Variants in PSMB10 observed in about 807,000 individuals in gnomAD.
PSMB10 encodes proteasome subunit beta type-10.
PSMB10 carries 29 observed loss-of-function variants against 29.8 expected under a neutral mutation model. The ratio of observed to expected loss-of-function variants is 0.97; its 90% CI spans 0.73 to 1.33. The LOEUF (loss-of-function observed/expected upper bound fraction) is 1.33. PSMB10 is among the 40% of genes most tolerant of loss of function. The pLI is 0.00. For synonymous variants in PSMB10, 157 were observed against 164.7 expected (o/e 0.95, Z 0.36); for missense variants, 327 against 369.2 (o/e 0.89, Z 0.94).
At position 67,934,780 on chromosome 16, in the gene PSMB10, C is replaced by T. The variant is rs200424463; in HGVS notation, c.710+17G>A. The T allele has an allele frequency of 1.1e-5, 17 of 1,612,164 alleles. No homozygotes were observed. In the Middle Eastern group the frequency reaches 9.9e-4, roughly 94 times the overall value. ...TAGCCCCACACATCCCTGTGGTCCCCGATCTCCAGCTCTCACCTCTTCACG... is the reference window on the plus strand; with the variant it reads ...TAGCCCCACACATCCCTGTGGTCCCTGATCTCCAGCTCTCACCTCTTCACG... On this transcript the variant is annotated intron_variant, in intron 7 of 7. Coordinates refer to ENST00000358514, the MANE Select transcript of PSMB10 (RefSeq NM_002801.4). The surrounding 1 kb of genome is among the most constrained non-coding windows in gnomAD (Gnocchi z 4.3).
rs534306794 is a variant in PSMB10 at position 67,935,197 on chromosome 16, A to G, written c.558+223T>C. The G allele has an allele frequency of 2.4e-5, 17 of 705,458 alleles. No homozygotes were observed. In the South Asian group the frequency reaches 2.8e-4, roughly 12 times the overall value. The allele number at this position is 705,458 out of a possible 1,614,324, so 43.7% of individuals were successfully genotyped here. On this transcript the variant is annotated intron_variant, in intron 6 of 7. Coordinates refer to ENST00000358514, the MANE Select transcript of PSMB10 (RefSeq NM_002801.4). The stretch of plus-strand genomic sequence containing the variant: ...GTCCTTCTCTCCGCCCTCGGCTCCT[A>G]AAGATCCTCTGTGAGCTTCGACTTC...
Position 67,936,789 on chromosome 16 carries a change from G to A in PSMB10, c.-40C>T, listed in dbSNP as rs1290112369. 1 of 1,521,772 alleles carries A rather than the reference G, an allele frequency of 6.6e-7. No homozygotes were observed. Among genetic ancestry groups the A allele is most frequent in the Non-Finnish European group, 8.9e-7 (1 of 1,123,492 alleles). 94.3% of individuals were successfully genotyped at this position (1,521,772 alleles called of 1,614,324 possible). On this transcript the variant is annotated 5_prime_UTR_variant, in exon 1 of 8. Coordinates refer to ENST00000358514, the MANE Select transcript of PSMB10 (RefSeq NM_002801.4). Reference sequence around the variant, plus strand: ...AGGGGATTAGGGGTCGCGGGCGGATGAGTCGGCCAGACAAGCGGGGCCAGT... The same window carrying A: ...AGGGGATTAGGGGTCGCGGGCGGATAAGTCGGCCAGACAAGCGGGGCCAGT...
chr16:67,936,384 TC>T lies in PSMB10; in HGVS notation c.144+13del. On this transcript the variant is annotated intron_variant, in intron 2 of 7. Transcript: ENST00000358514. ...CGGCTCCCCTCCAGCTCCCCGTCCC[TC>T]CCCGCTGCTCACTTGGAACACCAGG... is the stretch of plus-strand genomic sequence containing the variant. 6.2e-7 allele frequency: 1 copy of T among 1,611,506 alleles called. No homozygotes were observed.
In PSMB10 at chr16:67,936,448, C is replaced by A; in HGVS notation, c.94G>T (p.Val32Phe). The change falls in exon 2 of 8, where the codon GTC becomes TTC. Residue 32 changes from valine (V) to phenylalanine (F), a missense_variant. Val to Phe is a conservative substitution (Grantham distance 50). Transcript: ENST00000358514. Reference protein sequence around the residue: ...SLERVLPGLKVPHARKTGTTI... With the variant: ...SLERVLPGLKFPHARKTGTTI... ...GTCCCGGTCTTGCGTGCGTGAGGGACCTTGAGCCCCGGGAGGACGCGTTCC... is the reference window on the plus strand; with the variant it reads ...GTCCCGGTCTTGCGTGCGTGAGGGAACTTGAGCCCCGGGAGGACGCGTTCC... 6.2e-7 allele frequency: 1 copy of A among 1,613,570 alleles called. No homozygotes were observed. The highest frequency in any genetic ancestry group is 8.5e-7 in the Non-Finnish European group (1 of 1,179,942).
rs1376328336 is a variant in PSMB10, at chr16:67,934,561, T to C, written c.821A>G (p.Ter274=). 3 of 1,613,258 alleles carry C rather than the reference T, an allele frequency of 1.9e-6. No individual in the cohort carries two copies. Among genetic ancestry groups the C allele is most frequent in the East Asian group, 2.2e-5 (1 of 44,886 alleles). The change falls in exon 8 of 8, where the codon TAA becomes TGA. Residue 274 remains the stop codon, a stop_retained_variant. Coordinates refer to ENST00000358514, the MANE Select transcript of PSMB10 (RefSeq NM_002801.4). The surrounding 1 kb of genome is among the most constrained non-coding windows in gnomAD (Gnocchi z 4.3). ...TTGTTCCAAGCTCTAAGCCTCAGCT[T>C]ACTCCACCTCCATAGCCTGCACAGT... ...EETVQAMEVE[*]
At chr16:67,936,183 T>C in intron 3 of PSMB10, 32 bp downstream of exon 3, 1 of 1,612,262 alleles carries the variant, frequency 6.2e-7, no homozygotes, top group East Asian at 2.2e-5. Flanking sequence ...CCGTTCTTTT[T>C]TGCGTACGGG....
At position 67,935,988 on chromosome 16, in the gene PSMB10, G is replaced by A. The variant is rs770335398; in HGVS notation, c.358C>T (p.Arg120Cys). Reference sequence around the variant, plus strand: ...CTGAAGAGCGTCTGGCGCAGGATGCGAGTGACCGTGGCCACGCGGGGCTCG... The same window carrying A: ...CTGAAGAGCGTCTGGCGCAGGATGCAAGTGACCGTGGCCACGCGGGGCTCG... ...GREPRVATVT[R>C]ILRQTLFRYQ... is the part of the protein sequence containing the mutation. The change falls in exon 4 of 8, where the codon CGC becomes TGC. Residue 120 changes from arginine to cysteine, a missense_variant. Transcript: ENST00000358514. 2 of 1,611,960 alleles carry A rather than the reference G, an allele frequency of 1.2e-6. No individual in the cohort carries two copies. Among genetic ancestry groups the A allele is most frequent in the Admixed American group, 1.7e-5 (1 of 59,976 alleles).
Position 67,936,382 on chromosome 16 carries a change from C to T in PSMB10, c.144+16G>A. The T allele has an allele frequency of 6.2e-7, 1 of 1,611,820 alleles. No homozygotes were observed. The highest frequency in any genetic ancestry group is 2.2e-5 in the East Asian group (1 of 44,800). On this transcript the variant is annotated intron_variant, in intron 2 of 7. Transcript: ENST00000358514. ...CTCGGCTCCCCTCCAGCTCCCCGTCCCTCCCCGCTGCTCACTTGGAACACC... is the reference window on the plus strand; with the variant it reads ...CTCGGCTCCCCTCCAGCTCCCCGTCTCTCCCCGCTGCTCACTTGGAACACC...
At chr16:67,935,039 T>C in intron 6 of PSMB10, 91 bp from the exon 7 acceptor site, 11 of 1,504,578 alleles carry the variant, frequency 7.3e-6, no homozygotes, top group Non-Finnish European at 9.8e-6. Flanking sequence ...TTACCCAATC[T>C]GGTCTTGCCC....
chr16:67,936,503 C>T lies in PSMB10; in HGVS notation c.57-18G>A, dbSNP rs2058264814. 2 of 1,605,142 alleles carry T rather than the reference C, an allele frequency of 1.2e-6. No homozygotes were observed. The highest frequency in any genetic ancestry group is 1.7e-6 in the Non-Finnish European group (2 of 1,174,740). ...ATGCATTTCTGGAAACGGAGGAGGGCGCCCATGTTTCGGCTCTGCTTTCAA... is the reference window on the plus strand; with the variant it reads ...ATGCATTTCTGGAAACGGAGGAGGGTGCCCATGTTTCGGCTCTGCTTTCAA... On this transcript the variant is annotated intron_variant, in intron 1 of 7. Transcript: ENST00000358514.
rs772116532 is a variant in PSMB10, at chr16:67,934,513, G to T, written c.*47C>A. The T allele has an allele frequency of 1.9e-6, 3 of 1,545,200 alleles. No individual in the cohort carries two copies. The highest frequency in any genetic ancestry group is 4.5e-5 in the East Asian group (2 of 44,402). On this transcript the variant is annotated 3_prime_UTR_variant, in exon 8 of 8. Transcript: ENST00000358514. This position sits in a 1 kb window ranked among gnomAD's most constrained non-coding sequence, Gnocchi z 4.3. ...GAATGACACAGCCATCTGTTTAACT[G>T]TATTTTCTGGGTTTATTCCCCCTTG...
intron 3 of PSMB10, 27 bp downstream of exon 3, chr16:67,936,188 T>C: frequency 6.2e-7 from 1 of 1,612,642 alleles, no homozygotes; most frequent in Non-Finnish European, 8.5e-7. Flanking sequence ...CTTTTTTGCG[T>C]ACGGGAACTG....
chr16:67,936,022 A>C lies in PSMB10; in HGVS notation c.324T>G (p.Ser108=). ...VASKMELHAL[S]TGREPRVATV... ...TGGCCACGCGGGGCTCGCGGCCCGTAGATAACGCGTGTAGCTCCATCTTGG... is the reference window on the plus strand; with the variant it reads ...TGGCCACGCGGGGCTCGCGGCCCGTCGATAACGCGTGTAGCTCCATCTTGG... Residue 108 remains serine, a synonymous_variant, in exon 4 of 8, where the codon TCT becomes TCG. Transcript: ENST00000358514. 6.2e-7 allele frequency: 1 copy of C among 1,612,698 alleles called. No homozygotes were observed. Among genetic ancestry groups the C allele is most frequent in the Non-Finnish European group, 8.5e-7 (1 of 1,179,468 alleles).
chr16:67,935,639 GCGGTCCAGTCAGGTC>G lies in PSMB10; in HGVS notation c.427_441del (p.Asp143_Pro147del). ...CCATGGGGATGCACACCGTAGAGCTGCGGTCCAGTCAGGTCTACGCCGCCCACGATCAGCGATGCA... is the reference window on the plus strand; with the variant it reads ...CCATGGGGATGCACACCGTAGAGCTGTACGCCGCCCACGATCAGCGATGCA... On this transcript the variant is annotated inframe_deletion, in exon 5 of 8. Transcript: ENST00000358514. 6.2e-7 allele frequency: 1 copy of G among 1,614,220 alleles called. No individual in the cohort carries two copies. The highest frequency in any genetic ancestry group is 8.5e-7 in the Non-Finnish European group (1 of 1,180,050).
intron 2 of PSMB10, 39 bp downstream of exon 2, chr16:67,936,359 C>T (rs767340075): frequency 3.7e-6 from 6 of 1,610,848 alleles, no homozygotes; most frequent in African/African-American, 1.3e-5. Flanking sequence ...TCGATACTCT[C>T]GGCTCCCCTC....
At chr16:67,936,617 C>G (rs1027500446) in intron 1 of PSMB10, 77 bp downstream of exon 1, 75 of 1,465,972 alleles carry the variant, frequency 5.1e-5, no homozygotes, top group South Asian at 3.3e-4. Flanking sequence ...CACCCTCCCC[C>G]ACCCCCAGCC....
At chr16:67,936,592 C>A in intron 1 of PSMB10, 102 bp downstream of exon 1, 1 of 1,451,172 alleles carries the variant, frequency 6.9e-7, no homozygotes, top group African/African-American at 1.4e-5. Flanking sequence ...AGCCTGGAAC[C>A]CAAGTCGACC....
Position 67,934,831 on chromosome 16 carries a change from G to C in PSMB10, c.676C>G (p.Arg226Gly). The change falls in exon 7 of 8, where the codon CGG becomes GGG. Residue 226 changes from arginine (R) to glycine (G), a missense_variant. Arg to Gly is a moderately radical substitution (Grantham distance 125, BLOSUM62 -2). Coordinates refer to ENST00000358514, the MANE Select transcript of PSMB10 (RefSeq NM_002801.4). This position sits in a 1 kb window ranked among gnomAD's most constrained non-coding sequence, Gnocchi z 4.3. ...GGCTCTGTGGGTGAGCTCAGTGTCC[G>C]CAGCAGCTTGGCGCCAGTCTTTGTG... ...VITKTGAKLL[R>G]TLSSPTEPVK... is the part of the protein sequence containing the mutation. The C allele has an allele frequency of 6.2e-7, 1 of 1,614,066 alleles. No individual in the cohort carries two copies. The highest frequency in any genetic ancestry group is 8.5e-7 in the Non-Finnish European group (1 of 1,180,012).
chr16:67,934,621 G>C lies in PSMB10; in HGVS notation c.761C>G (p.Thr254Arg), dbSNP rs1194848162. ...TAGCTCCAGGGTTAGTGGCTTCACTGTCTGGGTCAGGACAGCTGTGGTTCC... is the reference window on the plus strand; with the variant it reads ...TAGCTCCAGGGTTAGTGGCTTCACTCTCTGGGTCAGGACAGCTGTGGTTCC... ...VPGTTAVLTQ[T>R]VKPLTLELVE... The change falls in exon 8 of 8, where the codon ACA (threonine) becomes AGA (arginine). Residue 254 changes from threonine to arginine, a missense_variant. By Grantham distance (71) the Thr-to-Arg change is moderately conservative (BLOSUM62 -1). Coordinates refer to ENST00000358514, the MANE Select transcript of PSMB10 (RefSeq NM_002801.4). This position sits in a 1 kb window ranked among gnomAD's most constrained non-coding sequence, Gnocchi z 4.3. The C allele has an allele frequency of 6.2e-7, 1 of 1,614,142 alleles. No homozygotes were observed. The highest frequency in any genetic ancestry group is 8.5e-7 in the Non-Finnish European group (1 of 1,180,012).
Sources: gnomAD v4.1 joint callset for allele counts on GRCh38, gnomAD v4.1.1 for gene constraint, Gnocchi (gnomAD v3.1) non-coding constraint, MANE v1.5 for transcripts, NCBI Gene and HGNC (gene_info 2026-07-23, HGNC 2026-07-21) for gene names.